ATP8A1: variants seen among roughly 807,000 people sequenced by gnomAD.
ATP8A1 encodes ATPase phospholipid transporting 8A1.
In ATP8A1, 90 loss-of-function variants were observed where a neutral mutation model predicts 177.7. The ratio of observed to expected loss-of-function variants is 0.51; its 90% CI spans 0.43 to 0.60. The LOEUF (loss-of-function observed/expected upper bound fraction) is 0.60. Among genes scored for constraint, ATP8A1 ranks in the 20% least tolerant of loss-of-function variants. The probability of loss-of-function intolerance (pLI) is 0.00; values close to 1 mark genes in which losing one functional copy is unlikely to be tolerated. For missense variants in ATP8A1, 1,072 were observed against 1,392.8 expected (o/e 0.77, Z 3.67); for synonymous variants, 493 against 485.9 (o/e 1.01, Z -0.19).
At chr4:42,418,910 G>A (rs1020478714) in intron 35 of ATP8A1, among the ~76,000 whole-genome samples, 1 of 152,120 alleles carries the variant, frequency 6.6e-6, no homozygotes, top group African/African-American at 2.4e-5. Flanking sequence ...TCTTCCTTAA[G>A]TGCTTACAAT....
chr4:42,448,828 GTTTTTTTTTTTT>G (rs55946444), intron 30 of ATP8A1, among the ~76,000 whole-genome samples: 2 of 84,206 alleles, frequency 2.4e-5, no homozygotes, highest in East Asian at 4.6e-4. Context: ...TGTACTTTGC[GTTTTTTTTTTTT>G]TTTTTTTTTT....
At chr4:42,587,275 G>A (rs1733707606) in intron 8 of ATP8A1, among the ~76,000 whole-genome samples, 1 of 151,330 alleles carries the variant, frequency 6.6e-6, no homozygotes, top group African/African-American at 2.4e-5. Flanking sequence ...GTAAACTTGT[G>A]TTGTGGGAGC....
Position 42,549,018 on chromosome 4 carries a change from A to G in ATP8A1, c.1647T>C (p.Phe549=). 6.2e-7 allele frequency: 1 copy of G among 1,610,416 alleles called. No individual in the cohort carries two copies. Among genetic ancestry groups the G allele is most frequent in the South Asian group, 1.1e-5 (1 of 90,150 alleles). Residue 549 remains phenylalanine, a synonymous_variant, in exon 19 of 37, where the codon TTT becomes TTC. Transcript: ENST00000381668. Reference sequence around the variant, plus strand: ...TCACTGAGCAGATGTTTTACCTGGTAAACTCCAAGACATTGAGCAATTCAT... The same window carrying G: ...TCACTGAGCAGATGTTTTACCTGGTGAACTCCAAGACATTGAGCAATTCAT... ...ERYELLNVLE[F]TSARKRMSVI...
At chr4:42,471,884 A>G in intron 25 of ATP8A1, 1 of 628,912 alleles carries the variant, frequency 1.6e-6, no homozygotes, top group East Asian at 3.4e-5. Context: ...GGCATCTTTC[A>G]GGCTCTTCTG....
At chr4:42,443,711 T>C in intron 32 of ATP8A1, 39 bp from the exon 33 acceptor site, 1 of 869,230 alleles carries the variant, frequency 1.2e-6, no homozygotes, top group South Asian at 1.4e-5. Context: ...AAGTTTTATG[T>C]AGACCGAGTA....
chr4:42,475,790 C>A (rs998226118), intron 25 of ATP8A1, among the ~76,000 whole-genome samples: 1 of 152,054 alleles, frequency 6.6e-6, no homozygotes, highest in African/African-American at 2.4e-5. Context: ...GTAATCCCAG[C>A]GCTTTGGGAG....
intron 12 of ATP8A1, among the ~76,000 whole-genome samples, chr4:42,576,233 AG>A (rs1463637658): frequency 6.6e-6 from 1 of 152,072 alleles, no homozygotes; most frequent in East Asian, 1.9e-4. Flanking sequence ...GCACTTTGGG[AG>A]GCCAAGATGG....
Position 42,495,719 on chromosome 4 carries a change from C to T in ATP8A1, c.2151+7731G>A, listed in dbSNP as rs571400510. ...AAAAACATATGTGTATAGAATCAAA[C>T]CAATATAAAGTAATTTTTCCAAAAC... On this transcript the variant is annotated intron_variant, in intron 24 of 36. Coordinates refer to ENST00000381668, the MANE Select transcript of ATP8A1 (RefSeq NM_006095.2). Among the ~76,000 whole-genome samples, 6 of 151,498 alleles carry T rather than the reference C, an allele frequency of 4.0e-5. No individual in the cohort carries two copies. In the South Asian group the frequency reaches 1.3e-3, roughly 32 times the overall value.
intron 15 of ATP8A1, chr4:42,562,257 C>A (rs1730909559): frequency 2.0e-5 from 3 of 152,418 alleles, no homozygotes; most frequent in African/African-American, 7.2e-5. Flanking sequence ...ATGCCATCGG[C>A]AGCAGGCAGA....
intron 30 of ATP8A1, among the ~76,000 whole-genome samples, chr4:42,447,125 T>C (rs73235569): frequency 1.3e-5 from 2 of 152,178 alleles, no homozygotes; most frequent in African/African-American, 4.8e-5. Context: ...TGGCTGAGTA[T>C]AGGGGCATAT....
intron 33 of ATP8A1, among the ~76,000 whole-genome samples, chr4:42,434,459 A>C (rs1440767956): frequency 6.6e-6 from 1 of 152,258 alleles, no homozygotes; most frequent in Non-Finnish European, 1.5e-5. Flanking sequence ...TAAATACCTC[A>C]AAACTTCAAA....
At chr4:42,593,018 T>C (rs998489565) in intron 6 of ATP8A1, among the ~76,000 whole-genome samples, 12 of 152,108 alleles carry the variant, frequency 7.9e-5, no homozygotes, top group African/African-American at 2.7e-4. Flanking sequence ...TTAAAGCTTA[T>C]CAATTTAAAC....
Position 42,656,673 on chromosome 4 carries a change from C to CG in ATP8A1, c.49+151dup, listed in dbSNP as rs918621877. On this transcript the variant is annotated intron_variant, in intron 1 of 36. Transcript: ENST00000381668. ...GTCTGCGAGTACACTGGGGGCAGCG[C>CG]GGGGGGAAGGGTCCCCTAGGGGCCG... The CG allele has an allele frequency of 1.4e-4, 118 of 845,360 alleles. No individual in the cohort carries two copies. The African/African-American group carries it at 1.6e-3, about 11-fold the overall frequency. The allele number at this position is 845,360 out of a possible 1,614,324, so 52.4% of individuals were successfully genotyped here. A position where few individuals can be genotyped will look rare whatever the true frequency, so the allele number is the denominator to read the frequency against.
intron 29 of ATP8A1, among the ~76,000 whole-genome samples, chr4:42,454,153 C>T (rs1718224785): frequency 6.6e-6 from 1 of 152,130 alleles, no homozygotes; most frequent in Admixed American, 6.5e-5. Context: ...AACAGTGCCA[C>T]CAAGTTGTAT....
chr4:42,640,954 T>G (rs559226159), intron 1 of ATP8A1, among the ~76,000 whole-genome samples: 5 of 148,114 alleles, frequency 3.4e-5, no homozygotes, highest in East Asian at 4.0e-4. Flanking sequence ...TGAAGCCACA[T>G]GCATGCCAAA....
intron 30 of ATP8A1, among the ~76,000 whole-genome samples, chr4:42,447,237 G>A (rs10004367): frequency 0.12 from 18,804 of 152,072 alleles, 2,350 homozygotes; most frequent in African/African-American, 0.32. Context: ...AGGTTGGAGT[G>A]CAGTGGCGTG....
At chr4:42,584,435 C>T (rs978805048) in intron 9 of ATP8A1, among the ~76,000 whole-genome samples, 1 of 152,218 alleles carries the variant, frequency 6.6e-6, no homozygotes, top group African/African-American at 2.4e-5. Flanking sequence ...TCGTCAGGCA[C>T]CTGTTCTAAT....
intron 1 of ATP8A1, among the ~76,000 whole-genome samples, chr4:42,636,146 ACACACACACACG>A (rs1267353271): frequency 0.022 from 626 of 28,954 alleles, 15 homozygotes; most frequent in African/African-American, 0.04. Flanking sequence ...ACACACACAC[ACACACACACACG>A]CACACACACA....
At chr4:42,642,635 C>T (rs1455145194) in intron 1 of ATP8A1, among the ~76,000 whole-genome samples, 1 of 152,146 alleles carries the variant, frequency 6.6e-6, no homozygotes, top group African/African-American at 2.4e-5. Flanking sequence ...CTACTCAATC[C>T]ACAGGTAGAA....
Sources: allele counts gnomAD v4.1 joint callset (sites outside exome capture counted in the v4.1 genomes callset), GRCh38; gene constraint gnomAD v4.1.1; transcripts MANE v1.5; gene names NCBI Gene and HGNC (gene_info 2026-07-23, HGNC 2026-07-21).